USH2A: variants seen among roughly 807,000 people sequenced by gnomAD.
The protein encoded by USH2A is usherin.
In USH2A, 443 loss-of-function variants were observed where a neutral mutation model predicts 538.9. The ratio of observed to expected loss-of-function variants is 0.82; its 90% CI spans 0.76 to 0.89. USH2A has a LOEUF of 0.89. Among genes scored for constraint, USH2A ranks in the 40% least tolerant of loss-of-function variants. The pLI is 0.00. For missense variants in USH2A, 6,633 were observed against 6,324.8 expected (o/e 1.05, Z -1.65); for synonymous variants, 2,413 against 2,273.5 (o/e 1.06, Z -1.75).
At chr1:216,231,906 C>A in intron 14 of USH2A, 47 bp downstream of exon 14, 2 of 1,612,016 alleles carry the variant, frequency 1.2e-6, no homozygotes, top group Non-Finnish European at 1.7e-6. Flanking sequence ...AAAAAGTTAA[C>A]TGTTGCTAAA....
chr1:215,873,364 T>C (rs918126488), intron 43 of USH2A, among the ~76,000 whole-genome samples: 6 of 152,210 alleles, frequency 3.9e-5, no homozygotes, highest in African/African-American at 1.2e-4. Flanking sequence ...GCCCTTTCTA[T>C]GTACAAAGTT....
At chr1:215,944,760 A>T (rs1666717294) in intron 37 of USH2A, among the ~76,000 whole-genome samples, 1 of 152,122 alleles carries the variant, frequency 6.6e-6, no homozygotes, top group Admixed American at 6.6e-5. Context: ...TTACTATTTT[A>T]ACTCCTTCTA....
chr1:216,301,504 A>G (rs1435192453), intron 9 of USH2A, among the ~76,000 whole-genome samples: 1 of 152,166 alleles, frequency 6.6e-6, no homozygotes, highest in Non-Finnish European at 1.5e-5. Context: ...GGGACCGAAA[A>G]TAGTATTCGA....
intron 52 of USH2A, among the ~76,000 whole-genome samples, chr1:215,786,137 G>A (rs887881750): frequency 1.3e-5 from 2 of 152,158 alleles, no homozygotes; most frequent in Admixed American, 1.3e-4. Flanking sequence ...GACTAATTCA[G>A]CAGGGCCAAG....
At chr1:215,770,704 C>T (rs1223155906) in intron 55 of USH2A, among the ~76,000 whole-genome samples, 5 of 151,984 alleles carry the variant, frequency 3.3e-5, no homozygotes, top group African/African-American at 7.3e-5. Flanking sequence ...ATATAATTAA[C>T]GCCCACACTA....
chr1:216,416,894 C>T (rs933855654), intron 3 of USH2A, among the ~76,000 whole-genome samples: 1 of 152,076 alleles, frequency 6.6e-6, no homozygotes, highest in South Asian at 2.1e-4. Context: ...GCAAAGATGG[C>T]ACTGTCTTTA....
intron 35 of USH2A, among the ~76,000 whole-genome samples, chr1:215,987,497 G>T (rs1202676197): frequency 6.6e-6 from 1 of 152,180 alleles, no homozygotes; most frequent in Non-Finnish European, 1.5e-5. Flanking sequence ...GGGTGCAAAG[G>T]ACTCTGATTA....
At chr1:216,292,457 T>C in intron 9 of USH2A, 87 bp from the exon 10 acceptor site, 1 of 1,371,466 alleles carries the variant, frequency 7.3e-7, no homozygotes, top group Non-Finnish European at 1.0e-6. Context: ...TCACCAGAAG[T>C]AAAGCACATA....
chr1:216,311,072 G>A (rs2037411801), intron 9 of USH2A, among the ~76,000 whole-genome samples: 1 of 152,168 alleles, frequency 6.6e-6, no homozygotes, highest in Admixed American at 6.5e-5. Context: ...GGTTTGTGCC[G>A]AGGAGAACAG....
rs779838582 is a variant in USH2A at position 215,799,095 on chromosome 1, T to C, written c.9770A>G (p.Asn3257Ser). ...GEVCCPDEQH[N>S]RVSVGIGDSC... ...ATCACCAATGCCAACAGAAACCCGA[T>C]TGTGCTGTTCATCTGGACAGCATAC... is the stretch of plus-strand genomic sequence containing the variant. The change falls in exon 50 of 72, where the codon AAT (asparagine) becomes AGT (serine). Residue 3257 changes from asparagine to serine, a missense_variant. Physicochemically the swap from Asn to Ser is conservative, Grantham distance 46 (BLOSUM62 1). Transcript: ENST00000307340. The C allele has an allele frequency of 6.8e-6, 11 of 1,613,990 alleles. No homozygotes were observed. The East Asian group carries it at 1.6e-4, about 23-fold the overall frequency.
chr1:215,905,059 C>T (rs115277785), intron 38 of USH2A, among the ~76,000 whole-genome samples: 15 of 152,006 alleles, frequency 9.9e-5, no homozygotes, highest in South Asian at 2.1e-4. Flanking sequence ...ATAAAACAAA[C>T]GAAAAAATAT....
At chr1:216,415,791 G>C (rs2039568565) in intron 3 of USH2A, among the ~76,000 whole-genome samples, 1 of 151,938 alleles carries the variant, frequency 6.6e-6, no homozygotes, top group Non-Finnish European at 1.5e-5. Flanking sequence ...CTCCCAAAAT[G>C]CTGGGATTAC....
chr1:216,386,315 G>T (rs1286462553), intron 3 of USH2A, among the ~76,000 whole-genome samples: 1 of 151,456 alleles, frequency 6.6e-6, no homozygotes, highest in Non-Finnish European at 1.5e-5. Flanking sequence ...GGCTAACACG[G>T]TGAAACCCCA....
At chr1:216,201,021 C>T (rs1486097132) in intron 16 of USH2A, among the ~76,000 whole-genome samples, 7 of 127,454 alleles carry the variant, frequency 5.5e-5, no homozygotes, top group South Asian at 2.9e-4. Flanking sequence ...CCCTTCCTTC[C>T]TTCCTTCCTT....
chr1:216,349,458 G>A (rs2038236629), intron 4 of USH2A, among the ~76,000 whole-genome samples: 2 of 152,112 alleles, frequency 1.3e-5, no homozygotes, highest in South Asian at 4.1e-4. Flanking sequence ...GGATGAGATA[G>A]GAGGTTGGCT....
At chr1:216,017,493 T>C (rs1257397778) in intron 32 of USH2A, among the ~76,000 whole-genome samples, 1 of 152,206 alleles carries the variant, frequency 6.6e-6, no homozygotes, top group African/African-American at 2.4e-5. Flanking sequence ...TAGTTGGATA[T>C]TTGCTACTAT....
In USH2A at chr1:215,733,617, A is replaced by G. The variant is rs60534137; in HGVS notation, c.11712-5233T>C. 3.3e-5 allele frequency among the ~76,000 whole-genome samples: 5 copies of G among 152,354 alleles called. No homozygotes were observed. In the East Asian group the frequency reaches 9.6e-4, roughly 29 times the overall value. On this transcript the variant is annotated intron_variant, in intron 60 of 71. Coordinates refer to ENST00000307340, the MANE Select transcript of USH2A (RefSeq NM_206933.4). The stretch of plus-strand genomic sequence containing the variant: ...CCTATAAAATCAAAACAAGTTATTT[A>G]CTTCCAAGATACAATGTGGATATAG...
chr1:216,197,976 T>C (rs2034889259), intron 18 of USH2A, among the ~76,000 whole-genome samples: 1 of 152,162 alleles, frequency 6.6e-6, no homozygotes, highest in Non-Finnish European at 1.5e-5. Flanking sequence ...AGGCTGTATA[T>C]GGAGCAAGAT....
At chr1:215,954,362 C>T (rs1667007805) in intron 37 of USH2A, among the ~76,000 whole-genome samples, 1 of 152,052 alleles carries the variant, frequency 6.6e-6, no homozygotes, top group Admixed American at 6.5e-5. Flanking sequence ...GGCACAAATA[C>T]ACCATGGAAT....
Sources: gnomAD v4.1 joint callset for allele counts (sites outside exome capture counted in the v4.1 genomes callset) on GRCh38, gnomAD v4.1.1 for gene constraint, MANE v1.5 for transcripts, NCBI Gene and HGNC (gene_info 2026-07-23, HGNC 2026-07-21) for gene names.